Variants in DNAAF10 observed in about 807,000 individuals in gnomAD.
The protein encoded by DNAAF10 is WD repeat domain 92.
In DNAAF10, 28 loss-of-function variants were observed where a neutral mutation model predicts 43.7. That is an observed-to-expected ratio of 0.64 (90% confidence interval 0.48 to 0.88). The LOEUF (loss-of-function observed/expected upper bound fraction) is 0.88, where lower values mean the gene tolerates loss of function less well. DNAAF10 is among the 40% of genes least tolerant of loss of function. The pLI is 0.00. For missense variants in DNAAF10, 403 were observed against 439.1 expected (o/e 0.92, Z 0.73); for synonymous variants, 156 against 157.3 (o/e 0.99, Z 0.06).
chr2:68,138,667 T>A (rs897022712), intron 5 of DNAAF10, 75 bp downstream of exon 5: 11 of 1,129,968 alleles, frequency 9.7e-6, no homozygotes, highest in Middle Eastern at 3.9e-4. Context: ...ACTAGAGGTG[T>A]TTTCCTTTTG....
intron 1 of DNAAF10, chr2:68,156,978 T>C (rs981210180): frequency 4.0e-6 from 2 of 500,412 alleles, no homozygotes; most frequent in African/African-American, 3.8e-5. Flanking sequence ...GTCGAATGTG[T>C]TAGGTTGCCT....
At chr2:68,157,225 C>A (rs750533633) in intron 1 of DNAAF10, 36 bp downstream of exon 1, 2 of 1,590,430 alleles carry the variant, frequency 1.3e-6, no homozygotes, top group African/African-American at 2.7e-5. Context: ...CGCACTCGCC[C>A]CCAACGGCAG....
At chr2:68,131,491 C>A in intron 7 of DNAAF10, 46 bp from the exon 8 acceptor site, 3 of 1,570,398 alleles carry the variant, frequency 1.9e-6, no homozygotes, top group Non-Finnish European at 1.7e-6. Context: ...TCTTAGCTTT[C>A]ACCATTTTAT....
chr2:68,150,520 G>C (rs1386124578), intron 1 of DNAAF10, among the ~76,000 whole-genome samples: 1 of 152,070 alleles, frequency 6.6e-6, no homozygotes, highest in Non-Finnish European at 1.5e-5. Flanking sequence ...ATCACCTGAG[G>C]TCAGGAGTTC....
chr2:68,136,778 C>T (rs772527369), intron 6 of DNAAF10, among the ~76,000 whole-genome samples: 1 of 152,036 alleles, frequency 6.6e-6, no homozygotes, highest in Non-Finnish European at 1.5e-5. Context: ...GCCATAATAC[C>T]GCATTTCCCT....
intron 4 of DNAAF10, 70 bp from the exon 5 acceptor site, chr2:68,138,927 T>C (rs1258827344): frequency 1.9e-6 from 2 of 1,079,662 alleles, no homozygotes; most frequent in Non-Finnish European, 2.8e-6. Context: ...TAAAAAAGTC[T>C]TATGAAACTA....
chr2:68,134,575 T>C, intron 7 of DNAAF10, 127 bp downstream of exon 7: 2 of 1,515,832 alleles, frequency 1.3e-6, no homozygotes, highest in Non-Finnish European at 1.8e-6. Flanking sequence ...TGTAACACCA[T>C]GAAATTTTAA....
In DNAAF10 at chr2:68,157,249, C is replaced by T. The variant is rs373196674; in HGVS notation, c.183+12G>A. On this transcript the variant is annotated intron_variant, in intron 1 of 7. Transcript: ENST00000295121. Reference sequence around the variant, plus strand: ...CCCCAACGGCAGTCCGGATCCTCGACCCGGCACCCACCTCCCGAAGCAGCT... The same window carrying T: ...CCCCAACGGCAGTCCGGATCCTCGATCCGGCACCCACCTCCCGAAGCAGCT... 1.3e-4 allele frequency: 203 copies of T among 1,608,848 alleles called. 1 individual carries two copies. The highest frequency in any genetic ancestry group is 2.0e-5 in the Non-Finnish European group (23 of 1,177,408).
chr2:68,137,216 G>T, intron 6 of DNAAF10, 83 bp downstream of exon 6: 1 of 1,437,420 alleles, frequency 7.0e-7, no homozygotes, highest in South Asian at 1.6e-5. Flanking sequence ...AGACCTGGAA[G>T]AAACCTTGGT....
chr2:68,137,272 A>C lies in DNAAF10; in HGVS notation c.768+27T>G, dbSNP rs1399339816. 3.8e-6 allele frequency: 6 copies of C among 1,596,986 alleles called. No homozygotes were observed. In the South Asian group the frequency reaches 6.8e-5, roughly 18 times the overall value. On this transcript the variant is annotated intron_variant, in intron 6 of 7. Transcript: ENST00000295121. ...CTAAACCAAGCTATCATTCTTCTTC[A>C]TAGAAAGACATTTCCCTCATATTTA...
chr2:68,155,502 AAAAG>A (rs1396325115), intron 1 of DNAAF10, among the ~76,000 whole-genome samples: 24 of 152,192 alleles, frequency 1.6e-4, no homozygotes, highest in Middle Eastern at 3.4e-3. Context: ...TCAAAAAAAA[AAAAG>A]AAAGAAAGAA....
Position 68,137,362 on chromosome 2 carries a change from C to T in DNAAF10, c.705G>A (p.Lys235=). The T allele has an allele frequency of 6.2e-7, 1 of 1,613,794 alleles. No homozygotes were observed. The highest frequency in any genetic ancestry group is 1.1e-5 in the South Asian group (1 of 91,022). ...NKLVATSLEG[K]FHVFDMRTQH... is the part of the protein sequence containing the mutation. ...GTGTTCTCATGTCAAAAACATGGAA[C>T]TTTCCTTCCAGAGATGTGGCTACTA... The change falls in exon 6 of 8, where the codon AAG becomes AAA. Residue 235 remains lysine (K), a synonymous_variant. Transcript: ENST00000295121.
intron 1 of DNAAF10, 70 bp downstream of exon 1, chr2:68,157,191 A>C: frequency 6.5e-7 from 1 of 1,530,496 alleles, no homozygotes. Flanking sequence ...GGCTCTGGCA[A>C]AGAGGAATGC....
Position 68,131,077 on chromosome 2 carries a change from A to C in DNAAF10, c.*161T>G, listed in dbSNP as rs956470265. 1.3e-5 allele frequency: 8 copies of C among 614,898 alleles called. No homozygotes were observed. In the Admixed American group the frequency reaches 2.5e-4, roughly 19 times the overall value. 38.1% of individuals were successfully genotyped at this position (614,898 alleles called of 1,614,324 possible). A position where few individuals can be genotyped will look rare whatever the true frequency, so the allele number is the denominator to read the frequency against. On this transcript the variant is annotated 3_prime_UTR_variant, in exon 8 of 8. Coordinates refer to ENST00000295121, the MANE Select transcript of DNAAF10 (RefSeq NM_138458.4). Reference sequence around the variant, plus strand: ...ACTACAGATGCCCGCCATGACACCCAGCAAATTTTTTTTTATATTTTTAGT... The same window carrying C: ...ACTACAGATGCCCGCCATGACACCCCGCAAATTTTTTTTTATATTTTTAGT...
chr2:68,131,493 C>A, intron 7 of DNAAF10, 48 bp from the exon 8 acceptor site: 1 of 1,582,610 alleles, frequency 6.3e-7, no homozygotes, highest in Middle Eastern at 1.7e-4. Context: ...TTAGCTTTCA[C>A]CATTTTATTT....
chr2:68,134,358 AT>A (rs1478791699), intron 7 of DNAAF10: 1 of 1,073,470 alleles, frequency 9.3e-7, no homozygotes, highest in Non-Finnish European at 1.1e-6. Context: ...TGTTATCTAA[AT>A]TTAGGCAAGG....
At chr2:68,157,113 C>T (rs1673642469) in intron 1 of DNAAF10, 148 bp downstream of exon 1, 4 of 1,084,830 alleles carry the variant, frequency 3.7e-6, no homozygotes, top group African/African-American at 1.6e-5. Context: ...AGGAAACATT[C>T]CTCAGTCGGC....
At chr2:68,149,173 C>T (rs1346126840) in intron 1 of DNAAF10, among the ~76,000 whole-genome samples, 2 of 152,144 alleles carry the variant, frequency 1.3e-5, no homozygotes, top group Non-Finnish European at 2.9e-5. Context: ...GCAATTTTCA[C>T]GAATAAAATA....
At chr2:68,146,814 CTA>C (rs947655478) in intron 2 of DNAAF10, among the ~76,000 whole-genome samples, 1 of 152,126 alleles carries the variant, frequency 6.6e-6, no homozygotes, top group Non-Finnish European at 1.5e-5. Context: ...CTAGAACACT[CTA>C]GAACTTTCTC....
Sources: gnomAD v4.1 joint callset for allele counts (sites outside exome capture counted in the v4.1 genomes callset) on GRCh38, gnomAD v4.1.1 for gene constraint, MANE v1.5 for transcripts, NCBI Gene and HGNC (gene_info 2026-07-23, HGNC 2026-07-21) for gene names.